The following ISX variants were observed in gnomAD, a reference collection of about 807,000 sequenced individuals.
ISX encodes intestine specific homeobox, also known as intestine-specific homeobox.
In ISX, 15 loss-of-function variants were observed where a neutral mutation model predicts 16.9. The ratio of observed to expected loss-of-function variants is 0.89; its 90% CI spans 0.59 to 1.36. The LOEUF (loss-of-function observed/expected upper bound fraction) is 1.36. ISX is among the 40% of genes most tolerant of loss of function. ISX has a pLI of 0.00. For synonymous variants in ISX, 125 were observed against 119.7 expected (o/e 1.04, Z -0.29); for missense variants, 316 against 306.1 (o/e 1.03, Z -0.24).
At chr22:35,083,430 T>C (rs935891765) in intron 3 of ISX, among the ~76,000 whole-genome samples, 1 of 152,212 alleles carries the variant, frequency 6.6e-6, no homozygotes, top group African/African-American at 2.4e-5. Context: ...ATCTGTGATC[T>C]CTTCACCGCA....
Position 35,078,878 on chromosome 22 carries a change from A to G in ISX, c.230-3640A>G, listed in dbSNP as rs1601559850. 3.3e-5 allele frequency among the ~76,000 whole-genome samples: 5 copies of G among 152,342 alleles called. 1 individual carries two copies. The highest frequency in any genetic ancestry group is 3.3e-4 in the Admixed American group (5 of 15,300). On this transcript the variant is annotated intron_variant, in intron 2 of 4. Coordinates refer to ENST00000404699, the MANE Select transcript of ISX (RefSeq NM_001303508.2). ...TTTTGAGCCATTCATCCTCCATCCCAGAGACGGAGGATTACAAATGTCAGG... is the reference window on the plus strand; with the variant it reads ...TTTTGAGCCATTCATCCTCCATCCCGGAGACGGAGGATTACAAATGTCAGG...
At chr22:35,081,611 G>A (rs1415904652) in intron 2 of ISX, among the ~76,000 whole-genome samples, 2 of 152,104 alleles carry the variant, frequency 1.3e-5, no homozygotes, top group Non-Finnish European at 2.9e-5. Context: ...CATCTTGGTG[G>A]GGAAGGGAAC....
intron 2 of ISX, among the ~76,000 whole-genome samples, chr22:35,076,922 C>T (rs1053838982): frequency 2.0e-5 from 3 of 152,194 alleles, no homozygotes; most frequent in African/African-American, 4.8e-5. Context: ...TCCCTGCTGC[C>T]TCCATCCCCC....
rs1929241574 is a variant in ISX at position 35,085,800 on chromosome 22, G to A, written c.*107G>A. The A allele has an allele frequency of 6.9e-7, 1 of 1,445,472 alleles. No homozygotes were observed. The highest frequency in any genetic ancestry group is 9.6e-7 in the Non-Finnish European group (1 of 1,045,196). 89.5% of individuals were successfully genotyped at this position (1,445,472 alleles called of 1,614,324 possible). ...AAATCGATTTCACAATCCAAAAATG[G>A]CCCACAGCCCAGGAAGCTACCCTGA... On this transcript the variant is annotated 3_prime_UTR_variant, in exon 5 of 5. Transcript: ENST00000404699.
intron 1 of ISX, 109 bp from the exon 2 acceptor site, chr22:35,066,643 G>A (rs1928706045): frequency 6.0e-6 from 1 of 166,250 alleles, no homozygotes; most frequent in Non-Finnish European, 1.3e-5. Flanking sequence ...CAGAGAAAGG[G>A]CAAAGGTGGA....
chr22:35,079,895 G>A (rs1929082813), intron 2 of ISX, among the ~76,000 whole-genome samples: 1 of 152,110 alleles, frequency 6.6e-6, no homozygotes, highest in South Asian at 2.1e-4. Context: ...ACTGCCACCG[G>A]GTTTGGTCCT....
intron 3 of ISX, among the ~76,000 whole-genome samples, chr22:35,083,982 A>T (rs5750058): frequency 0.032 from 4,837 of 152,396 alleles, 142 homozygotes; most frequent in East Asian, 0.16. Flanking sequence ...TCTGCACAGT[A>T]GTTTAAAACT....
At chr22:35,075,055 T>C (rs1928946500) in intron 2 of ISX, among the ~76,000 whole-genome samples, 2 of 152,208 alleles carry the variant, frequency 1.3e-5, no homozygotes, top group Admixed American at 1.3e-4. Flanking sequence ...TTAGTCACAT[T>C]GTCATAATAC....
intron 2 of ISX, among the ~76,000 whole-genome samples, chr22:35,078,791 C>G (rs896338304): frequency 6.6e-6 from 1 of 152,258 alleles, no homozygotes; most frequent in South Asian, 2.1e-4. Context: ...AGAGAGAAAT[C>G]TCACTAGCCC....
At chr22:35,084,050 A>G (rs1929186105) in intron 3 of ISX, among the ~76,000 whole-genome samples, 1 of 152,226 alleles carries the variant, frequency 6.6e-6, no homozygotes. Flanking sequence ...AACCTGCAAC[A>G]CCGGACTCAC....
chr22:35,085,387 G>A, intron 4 of ISX, 67 bp from the exon 5 acceptor site: 1 of 1,596,272 alleles, frequency 6.3e-7, no homozygotes, highest in Non-Finnish European at 8.6e-7. Context: ...GCCATGGAGG[G>A]AAACGCTGAG....
chr22:35,085,394 T>G, intron 4 of ISX, 60 bp from the exon 5 acceptor site: 3 of 1,604,580 alleles, frequency 1.9e-6, no homozygotes, highest in Non-Finnish European at 2.6e-6. Flanking sequence ...AGGGAAACGC[T>G]GAGAAGCTGC....
At chr22:35,085,272 C>G (rs1929222908) in intron 4 of ISX, among the ~76,000 whole-genome samples, 182 bp from the exon 5 acceptor site, 1 of 152,178 alleles carries the variant, frequency 6.6e-6, no homozygotes, top group Non-Finnish European at 1.5e-5. Flanking sequence ...CAGTAACCAA[C>G]CATCCAGGTT....
chr22:35,080,311 C>G (rs1929095706), intron 2 of ISX, among the ~76,000 whole-genome samples: 1 of 152,288 alleles, frequency 6.6e-6, no homozygotes, highest in Non-Finnish European at 1.5e-5. Flanking sequence ...GTCCTCAGTT[C>G]CCCTTTGAGC....
In ISX at chr22:35,066,820, A is replaced by T. The variant is rs1928710409; in HGVS notation, c.-268A>T. 4.7e-6 allele frequency: 2 copies of T among 422,470 alleles called. No individual in the cohort carries two copies. Among genetic ancestry groups the T allele is most frequent in the Non-Finnish European group, 8.4e-6 (2 of 237,208 alleles). The allele number at this position is 422,470 out of a possible 1,614,324, so 26.2% of individuals were successfully genotyped here. A position where few individuals can be genotyped will look rare whatever the true frequency, so the allele number is the denominator to read the frequency against. The stretch of plus-strand genomic sequence containing the variant: ...AGAAGACCCTTCTCTGGAAGATTGA[A>T]CCCCAATTCAGCCATGGTGACTCCT... On this transcript the variant is annotated 5_prime_UTR_variant, in exon 2 of 5. Transcript: ENST00000404699.
chr22:35,081,260 G>A (rs1010854675), intron 2 of ISX, among the ~76,000 whole-genome samples: 11 of 152,316 alleles, frequency 7.2e-5, no homozygotes, highest in Non-Finnish European at 1.2e-4. Flanking sequence ...AAGCACACAC[G>A]TGATGTGTTA....
In ISX at chr22:35,082,555, C is replaced by T; in HGVS notation, c.267C>T (p.Phe89=). 1 of 1,614,204 alleles carries T rather than the reference C, an allele frequency of 6.2e-7. No homozygotes were observed. The highest frequency in any genetic ancestry group is 8.5e-7 in the Non-Finnish European group (1 of 1,180,026). ...RKSKRRVRTT[F]TTEQLHELEK... is the part of the protein sequence containing the mutation. The stretch of plus-strand genomic sequence containing the variant: ...GCAAGCGGAGGGTTCGTACCACCTT[C>T]ACCACTGAGCAGCTGCATGAGCTGG... The change falls in exon 3 of 5, where the codon TTC becomes TTT. Residue 89 remains phenylalanine (F), a synonymous_variant. Coordinates refer to ENST00000404699, the MANE Select transcript of ISX (RefSeq NM_001303508.2).
rs765974800 is a variant in ISX at position 35,067,145 on chromosome 22, T to C, written c.58T>C (p.Cys20Arg). Reference protein sequence around the residue: ...CRGMERNSLGCCEAPKKLSLS... With the variant: ...CRGMERNSLGRCEAPKKLSLS... The stretch of plus-strand genomic sequence containing the variant: ...GGGTATGGAGAGAAATAGCTTGGGG[T>C]GCTGTGAGGCCCCGAAGAAGCTGAG... The change falls in exon 2 of 5, where the codon TGC becomes CGC. Residue 20 changes from cysteine to arginine, a missense_variant. Cys to Arg is a radical substitution (Grantham distance 180). Coordinates refer to ENST00000404699, the MANE Select transcript of ISX (RefSeq NM_001303508.2). The C allele has an allele frequency of 5.6e-6, 9 of 1,613,700 alleles. No homozygotes were observed. Among genetic ancestry groups the C allele is most frequent in the Non-Finnish European group, 6.8e-6 (8 of 1,179,944 alleles).
At position 35,085,495 on chromosome 22, in the gene ISX, TCCCACGA is replaced by T; in HGVS notation, c.541_547del (p.Pro181AlafsTer122). ...CCACTGCTCTGCGCAGGCTGGCTCCTCCCACGAGCTGTTGTCCATCGGCTCAAGATCA... is the reference window on the plus strand; with the variant it reads ...CCACTGCTCTGCGCAGGCTGGCTCCTGCTGTTGTCCATCGGCTCAAGATCA... On this transcript the variant is annotated frameshift_variant, in exon 5 of 5. Transcript: ENST00000404699. LOFTEE classifies it low-confidence loss of function (END_TRUNC). 6.2e-7 allele frequency: 1 copy of T among 1,614,156 alleles called. No homozygotes were observed. Among genetic ancestry groups the T allele is most frequent in the Non-Finnish European group, 8.5e-7 (1 of 1,180,014 alleles).
Sources: allele counts gnomAD v4.1 joint callset (sites outside exome capture counted in the v4.1 genomes callset), GRCh38; gene constraint gnomAD v4.1.1; transcripts MANE v1.5; gene names NCBI Gene and HGNC (gene_info 2026-07-23, HGNC 2026-07-21).